Variants in FOXK1 observed in about 807,000 individuals in gnomAD.
FOXK1 encodes the protein forkhead box protein K1.
In FOXK1, 19 loss-of-function variants were observed where a neutral mutation model predicts 51.9. The ratio of observed to expected loss-of-function variants is 0.37; its 90% CI spans 0.26 to 0.54. FOXK1 has a LOEUF of 0.54. Among genes scored for constraint, FOXK1 ranks in the 20% least tolerant of loss-of-function variants. FOXK1 has a pLI of 0.87. For missense variants in FOXK1, 870 were observed against 1,032.7 expected, an observed-to-expected ratio of 0.84 and a Z score of 2.16; for synonymous variants, 537 against 482.6, an observed-to-expected ratio of 1.11 and a Z score of -1.48.
Position 4,747,859 on chromosome 7 carries a change from G to T in FOXK1, c.747-6600G>T, listed in dbSNP as rs1780725375. On this transcript the variant is annotated intron_variant, in intron 2 of 8. Coordinates refer to ENST00000328914, the MANE Select transcript of FOXK1 (RefSeq NM_001037165.2). The surrounding 1 kb of genome is among the most constrained non-coding windows in gnomAD (Gnocchi z 9.2). ...TTGTTGCCTTTGTTGTTTTTGTTTT[G>T]TTTTGAAGCAGGGTCTTGTTCTGAC... Among the ~76,000 whole-genome samples, 1 of 150,554 alleles carries T rather than the reference G, an allele frequency of 6.6e-6. No individual in the cohort carries two copies. The highest frequency in any genetic ancestry group is 2.5e-5 in the African/African-American group (1 of 40,808).
At position 4,715,680 on chromosome 7, in the gene FOXK1, G is replaced by A. The variant is rs974422503; in HGVS notation, c.561-25158G>A. 1.3e-5 allele frequency among the ~76,000 whole-genome samples: 2 copies of A among 152,176 alleles called. No homozygotes were observed. Among genetic ancestry groups the A allele is most frequent in the African/African-American group, 4.8e-5 (2 of 41,446 alleles). On this transcript the variant is annotated intron_variant, in intron 1 of 8. Transcript: ENST00000328914. The surrounding 1 kb of genome is among the most constrained non-coding windows in gnomAD (Gnocchi z 4.5). ...TGCTGTGACTGACTGGCAGGAACCT[G>A]GGCTTGTCAAGTCAGTCTGTAGTGC...
At position 4,707,917 on chromosome 7, in the gene FOXK1, A is replaced by C. The variant is rs1173794721; in HGVS notation, c.560+25049A>C. Among the ~76,000 whole-genome samples, 1 of 151,938 alleles carries C rather than the reference A, an allele frequency of 6.6e-6. No homozygotes were observed. The highest frequency in any genetic ancestry group is 2.1e-4 in the South Asian group (1 of 4,810). On this transcript the variant is annotated intron_variant, in intron 1 of 8. Transcript: ENST00000328914. This position sits in a 1 kb window ranked among gnomAD's most constrained non-coding sequence, Gnocchi z 4.1. Reference sequence around the variant, plus strand: ...CAGGCTGGTCACGAACTCCTGCCCCAAGTGATCCACCCTCCTCAGCCTCCC... The same window carrying C: ...CAGGCTGGTCACGAACTCCTGCCCCCAGTGATCCACCCTCCTCAGCCTCCC...
chr7:4,758,822 C>T lies in FOXK1; in HGVS notation c.1245-229C>T. 3 of 569,094 alleles carry T rather than the reference C, an allele frequency of 5.3e-6. No homozygotes were observed. The highest frequency in any genetic ancestry group is 3.0e-5 in the East Asian group (1 of 33,218). The allele number at this position is 569,094 out of a possible 1,614,324, so 35.3% of individuals were successfully genotyped here. Reference sequence around the variant, plus strand: ...GTTCACTGCAGCACCTCACATGATACCGTCCCCTCTCATGGAACGGAGCCT... The same window carrying T: ...GTTCACTGCAGCACCTCACATGATATCGTCCCCTCTCATGGAACGGAGCCT... On this transcript the variant is annotated intron_variant, in intron 5 of 8. Coordinates refer to ENST00000328914, the MANE Select transcript of FOXK1 (RefSeq NM_001037165.2). This position sits in a 1 kb window ranked among gnomAD's most constrained non-coding sequence, Gnocchi z 4.4.
chr7:4,710,457 C>T (rs910437408), intron 1 of FOXK1, among the ~76,000 whole-genome samples: 1 of 152,140 alleles, frequency 6.6e-6, no homozygotes, highest in African/African-American at 2.4e-5. Flanking sequence ...TGCCTGTAAT[C>T]CCAGCTCCTC....
At chr7:4,701,158 C>A (rs182963131) in intron 1 of FOXK1, among the ~76,000 whole-genome samples, 118 of 152,278 alleles carry the variant, frequency 7.7e-4, no homozygotes, top group African/African-American at 2.7e-3. Flanking sequence ...AAGCTCCCTG[C>A]GGCTGTGAAG....
intron 2 of FOXK1, among the ~76,000 whole-genome samples, chr7:4,746,700 A>T (rs1454165763): frequency 2.0e-5 from 3 of 152,194 alleles, no homozygotes; most frequent in Admixed American, 6.5e-5. Context: ...AAAATTAATA[A>T]TTAAAAAACA....
intron 1 of FOXK1, among the ~76,000 whole-genome samples, chr7:4,721,635 G>T (rs1453662982): frequency 7.4e-6 from 1 of 134,762 alleles, no homozygotes; most frequent in African/African-American, 3.0e-5. Flanking sequence ...GTGTCACCCA[G>T]GCTGGAGTGC....
At chr7:4,695,954 A>AT (rs34770544) in intron 1 of FOXK1, among the ~76,000 whole-genome samples, 1 of 150,606 alleles carries the variant, frequency 6.6e-6, no homozygotes, top group African/African-American at 2.4e-5. Flanking sequence ...AAAAAAAAAA[A>AT]TTCCCACAAA....
chr7:4,721,067 G>T (rs1451087458), intron 1 of FOXK1, among the ~76,000 whole-genome samples: 1 of 152,012 alleles, frequency 6.6e-6, no homozygotes, highest in Non-Finnish European at 1.5e-5. Context: ...TCTCTGCACG[G>T]GCCCTCCGTG....
chr7:4,728,206 T>C (rs1282347111), intron 1 of FOXK1, among the ~76,000 whole-genome samples: 1 of 152,156 alleles, frequency 6.6e-6, no homozygotes, highest in Non-Finnish European at 1.5e-5. Flanking sequence ...TGCCAAACGT[T>C]CTCTGATTCT....
chr7:4,717,627 T>C (rs1780253538), intron 1 of FOXK1, among the ~76,000 whole-genome samples: 1 of 151,826 alleles, frequency 6.6e-6, no homozygotes, highest in Admixed American at 6.6e-5. Context: ...TGACGGGAGG[T>C]ACTCCACCCT....
At chr7:4,695,020 A>T (rs1018756082) in intron 1 of FOXK1, among the ~76,000 whole-genome samples, 2 of 152,274 alleles carry the variant, frequency 1.3e-5, no homozygotes, top group Non-Finnish European at 2.9e-5. Context: ...TGGCTTTGAA[A>T]GAATGTTTAA....
intron 7 of FOXK1, among the ~76,000 whole-genome samples, chr7:4,760,724 G>A (rs892819335): frequency 1.3e-5 from 2 of 151,950 alleles, no homozygotes; most frequent in African/African-American, 4.8e-5. Flanking sequence ...GGTGGCAGGC[G>A]CCTGTAGTCC....
chr7:4,723,603 A>T lies in FOXK1; in HGVS notation c.561-17235A>T, dbSNP rs1361122575. On this transcript the variant is annotated intron_variant, in intron 1 of 8. Transcript: ENST00000328914. The surrounding 1 kb of genome is among the most constrained non-coding windows in gnomAD (Gnocchi z 4.7). ...CTCGCCGTGGTACAATCGCCACGGC[A>T]CAGGACCGAGCGTGGAGAGTTGCAG... 2.0e-5 allele frequency among the ~76,000 whole-genome samples: 3 copies of T among 152,182 alleles called. No individual in the cohort carries two copies. Among genetic ancestry groups the T allele is most frequent in the Non-Finnish European group, 2.9e-5 (2 of 68,030 alleles).
At position 4,753,527 on chromosome 7, in the gene FOXK1, A is replaced by C. The variant is rs1780805458; in HGVS notation, c.747-932A>C. 6.6e-6 allele frequency among the ~76,000 whole-genome samples: 1 copy of C among 152,090 alleles called. No individual in the cohort carries two copies. The highest frequency in any genetic ancestry group is 2.4e-5 in the African/African-American group (1 of 41,408). ...CTGAGAGGGGGGATGTCAGCATCAC[A>C]GGTGGGCAGGGTCCATCTCAGGACG... is the stretch of plus-strand genomic sequence containing the variant. On this transcript the variant is annotated intron_variant, in intron 2 of 8. Transcript: ENST00000328914. This position sits in a 1 kb window ranked among gnomAD's most constrained non-coding sequence, Gnocchi z 4.9.
chr7:4,754,384 G>T, intron 2 of FOXK1, 75 bp from the exon 3 acceptor site: 1 of 1,533,460 alleles, frequency 6.5e-7, no homozygotes, highest in Non-Finnish European at 8.9e-7. Flanking sequence ...CCTCTGGGTA[G>T]GTCCTGAAGC....
chr7:4,692,360 A>G (rs1779903437), intron 1 of FOXK1, among the ~76,000 whole-genome samples: 1 of 152,188 alleles, frequency 6.6e-6, no homozygotes, highest in East Asian at 1.9e-4. Flanking sequence ...ATGTTCCTTG[A>G]GACCTCACTA....
At chr7:4,714,222 A>G (rs1483183131) in intron 1 of FOXK1, among the ~76,000 whole-genome samples, 1 of 152,146 alleles carries the variant, frequency 6.6e-6, no homozygotes, top group African/African-American at 2.4e-5. Context: ...TCACCTTTAC[A>G]AGACAGAACA....
intron 1 of FOXK1, among the ~76,000 whole-genome samples, chr7:4,732,320 A>G (rs751444556): frequency 2.6e-5 from 4 of 152,164 alleles, no homozygotes; most frequent in Non-Finnish European, 1.5e-5. Flanking sequence ...CCCAGTGCCG[A>G]CAGTTCTCCA....
Sources: gnomAD v4.1 joint callset for allele counts (sites outside exome capture counted in the v4.1 genomes callset) on GRCh38, gnomAD v4.1.1 for gene constraint, Gnocchi (gnomAD v3.1) non-coding constraint, MANE v1.5 for transcripts, NCBI Gene and HGNC (gene_info 2026-07-23, HGNC 2026-07-21) for gene names.